The following RNF11 variants were observed in gnomAD, a reference collection of about 807,000 sequenced individuals.
RNF11 encodes ring finger protein 11.
In RNF11, 4 loss-of-function variants were observed where a neutral mutation model predicts 15.8. The observed-to-expected ratio is 0.25, with a 90% CI of 0.12 to 0.58. RNF11 has a LOEUF of 0.58. Among genes scored for constraint, RNF11 ranks in the 20% least tolerant of loss-of-function variants. The pLI is 0.91. For missense variants in RNF11, 139 were observed against 194.4 expected (o/e 0.71, Z 1.70); for synonymous variants, 68 against 72.3 (o/e 0.94, Z 0.30).
chr1:51,258,035 G>T (rs918235087), intron 1 of RNF11, among the ~76,000 whole-genome samples: 29 of 151,220 alleles, frequency 1.9e-4, no homozygotes, highest in African/African-American at 6.8e-4. Context: ...TGCATTTGTA[G>T]TAGAGATGGA....
intron 1 of RNF11, among the ~76,000 whole-genome samples, chr1:51,248,605 T>G (rs1332416619): frequency 2.0e-5 from 3 of 152,176 alleles, no homozygotes; most frequent in Non-Finnish European, 4.4e-5. Context: ...GGATAAGACA[T>G]GAAGCAATTA....
At chr1:51,260,276 C>A (rs1460246548) in intron 1 of RNF11, among the ~76,000 whole-genome samples, 1 of 152,114 alleles carries the variant, frequency 6.6e-6, no homozygotes, top group Non-Finnish European at 1.5e-5. Flanking sequence ...TAACCTGCAA[C>A]CTTGCTGAAT....
chr1:51,257,442 T>A (rs1311464368), intron 1 of RNF11, among the ~76,000 whole-genome samples: 1 of 152,156 alleles, frequency 6.6e-6, no homozygotes, highest in African/African-American at 2.4e-5. Flanking sequence ...TCTTTATTTT[T>A]TATTTACATT....
intron 1 of RNF11, among the ~76,000 whole-genome samples, chr1:51,266,373 G>T: frequency 6.6e-6 from 1 of 151,594 alleles, no homozygotes; most frequent in Non-Finnish European, 1.5e-5. Context: ...TGGTTTTATT[G>T]TTATTTAATC....
At chr1:51,262,075 G>A (rs773290073) in intron 1 of RNF11, among the ~76,000 whole-genome samples, 10 of 152,128 alleles carry the variant, frequency 6.6e-5, no homozygotes, top group Non-Finnish European at 1.2e-4. Context: ...GGCTGGTCTC[G>A]AACTCCTGGT....
Position 51,236,851 on chromosome 1 carries a change from C to G in RNF11, c.95C>G (p.Pro32Arg), listed in dbSNP as rs756914741. Residue 32 changes from proline (P) to arginine (R), a missense_variant, in exon 1 of 3, where the codon CCG becomes CGG. By Grantham distance (103) the Pro-to-Arg change is moderately radical. Coordinates refer to ENST00000242719, the MANE Select transcript of RNF11 (RefSeq NM_014372.5). ...GCTAGCTTTGGCGAGGGGACGGAGCCGGATCAGGAGCCGCCGCCGCCATAT... is the reference window on the plus strand; with the variant it reads ...GCTAGCTTTGGCGAGGGGACGGAGCGGGATCAGGAGCCGCCGCCGCCATAT... ...DRASFGEGTEPDQEPPPPYQE... is the reference protein window; with the variant it reads ...DRASFGEGTERDQEPPPPYQE... The G allele has an allele frequency of 1.9e-6, 3 of 1,611,366 alleles. No homozygotes were observed. The highest frequency in any genetic ancestry group is 2.5e-6 in the Non-Finnish European group (3 of 1,178,898).
chr1:51,245,610 C>G (rs1646848206), intron 1 of RNF11, among the ~76,000 whole-genome samples: 1 of 152,108 alleles, frequency 6.6e-6, no homozygotes. Flanking sequence ...CACCACCACA[C>G]CTGGCTAATT....
intron 1 of RNF11, among the ~76,000 whole-genome samples, chr1:51,253,201 A>G (rs998414513): frequency 6.6e-6 from 1 of 152,158 alleles, no homozygotes; most frequent in Admixed American, 6.6e-5. Context: ...TTACTAATAA[A>G]AAAGAATGGT....
chr1:51,246,712 G>C (rs180956169), intron 1 of RNF11, among the ~76,000 whole-genome samples: 48 of 152,312 alleles, frequency 3.2e-4, no homozygotes, highest in African/African-American at 1.1e-3. Context: ...TATTTAGGCT[G>C]TAAGTGGAGA....
intron 1 of RNF11, among the ~76,000 whole-genome samples, chr1:51,252,877 A>C (rs1646886663): frequency 6.7e-6 from 1 of 150,260 alleles, no homozygotes; most frequent in Non-Finnish European, 1.5e-5. Context: ...CCCAGGCTGG[A>C]GTGCAGTGGC....
intron 1 of RNF11, 115 bp from the exon 2 acceptor site, chr1:51,269,841 A>G (rs1209495213): frequency 2.5e-6 from 2 of 796,296 alleles, no homozygotes; most frequent in African/African-American, 3.5e-5. Flanking sequence ...GCCAAACACT[A>G]GCCCAGCTTC....
chr1:51,260,374 G>T (rs1389480337), intron 1 of RNF11, among the ~76,000 whole-genome samples: 1 of 152,070 alleles, frequency 6.6e-6, no homozygotes, highest in Non-Finnish European at 1.5e-5. Context: ...ATTTTTTAGG[G>T]TGTGTTTTTG....
chr1:51,252,081 CAAA>C (rs928146865), intron 1 of RNF11, among the ~76,000 whole-genome samples: 3 of 53,644 alleles, frequency 5.6e-5, no homozygotes, highest in Admixed American at 2.2e-4. Context: ...CATCTCAAAG[CAAA>C]AAAAAAAAAA....
intron 1 of RNF11, among the ~76,000 whole-genome samples, chr1:51,253,212 A>G (rs1205083630): frequency 4.6e-5 from 7 of 152,108 alleles, no homozygotes; most frequent in African/African-American, 1.4e-4. Flanking sequence ...AAAGAATGGT[A>G]ATTGTTCTCT....
chr1:51,242,905 T>G (rs1646836694), intron 1 of RNF11, among the ~76,000 whole-genome samples: 1 of 152,228 alleles, frequency 6.6e-6, no homozygotes, highest in Admixed American at 6.5e-5. Flanking sequence ...TAGGCCTTAT[T>G]ATACAATTAT....
chr1:51,243,405 C>T (rs1192863007), intron 1 of RNF11, among the ~76,000 whole-genome samples: 2 of 152,082 alleles, frequency 1.3e-5, no homozygotes, highest in Non-Finnish European at 2.9e-5. Context: ...CGGATCAGAT[C>T]ACTTGCCTCA....
intron 1 of RNF11, among the ~76,000 whole-genome samples, chr1:51,242,694 C>T (rs1385575928): frequency 2.0e-5 from 3 of 152,164 alleles, no homozygotes; most frequent in Middle Eastern, 3.4e-3. Flanking sequence ...AACTCCTGGG[C>T]TCAAGTGATC....
At position 51,252,805 on chromosome 1, in the gene RNF11, T is replaced by TTGTGTGTGTGTGTGTGTG. The variant is rs145075866; in HGVS notation, c.123+15940_123+15957dup. ...TCTTTTGTGAAGTCTTTTGTCCAGT[T>TTGTGTGTGTGTGTGTGTG]TGTGTGTGTGTGTGTGTGTGTGTGT... is the stretch of plus-strand genomic sequence containing the variant. On this transcript the variant is annotated intron_variant, in intron 1 of 2. Coordinates refer to ENST00000242719, the MANE Select transcript of RNF11 (RefSeq NM_014372.5). 1.8e-3 allele frequency among the ~76,000 whole-genome samples: 265 copies of TTGTGTGTGTGTGTGTGTG among 144,022 alleles called. 2 individuals carry two copies. The highest frequency in any genetic ancestry group is 2.8e-3 in the African/African-American group (110 of 38,958). The allele number at this position is 144,022 out of a possible 152,430, so 94.5% of individuals were successfully genotyped here.
chr1:51,270,885 A>C (rs1473897423), intron 2 of RNF11, among the ~76,000 whole-genome samples: 1 of 152,242 alleles, frequency 6.6e-6, no homozygotes, highest in Non-Finnish European at 1.5e-5. Flanking sequence ...CAAGCACAGC[A>C]GTAGATTTGA....
Sources: allele counts gnomAD v4.1 joint callset (sites outside exome capture counted in the v4.1 genomes callset), GRCh38; gene constraint gnomAD v4.1.1; transcripts MANE v1.5; gene names NCBI Gene and HGNC (gene_info 2026-07-23, HGNC 2026-07-21).